Variants in TRIM50 observed in about 807,000 individuals in gnomAD.
TRIM50 encodes E3 ubiquitin-protein ligase TRIM50.
In TRIM50, 34 loss-of-function variants were observed where a neutral mutation model predicts 44.9. The ratio of observed to expected loss-of-function variants is 0.76; its 90% CI spans 0.58 to 1.01. The LOEUF (loss-of-function observed/expected upper bound fraction) is 1.01. Ranked by LOEUF, TRIM50 falls within the 50% of genes least tolerant of loss-of-function variation. The pLI, the probability that TRIM50 is intolerant of heterozygous loss-of-function variation, is 0.00. For missense variants in TRIM50, 633 were observed against 663.7 expected (o/e 0.95, Z 0.51); for synonymous variants, 307 against 291.1 (o/e 1.05, Z -0.56).
intron 2 of TRIM50, 52 bp downstream of exon 2, chr7:73,324,337 G>A (rs782811925): frequency 6.2e-7 from 1 of 1,613,302 alleles, no homozygotes; most frequent in African/African-American, 1.3e-5. Flanking sequence ...AGAGAGCACA[G>A]GATCTGGTCC....
At position 73,315,346 on chromosome 7, in the gene TRIM50, C is replaced by CT. The variant is rs71071927; in HGVS notation, c.874+1218dup. On this transcript the variant is annotated intron_variant, in intron 6 of 6. Transcript: ENST00000333149. ...GCAATTTTTTTCCTTCTTATCTTTC[C>CT]TTTTTTTTTTTTTTCATTCTTTTCT... 7.6e-3 allele frequency: 1,075 copies of CT among 140,708 alleles called. 8 individuals carry two copies. The highest frequency in any genetic ancestry group is 0.017 in the South Asian group (78 of 4,460). 8.7% of individuals were successfully genotyped at this position (140,708 alleles called of 1,614,324 possible). A position where few individuals can be genotyped will look rare whatever the true frequency, so the allele number is the denominator to read the frequency against.
chr7:73,318,671 T>C lies in TRIM50; in HGVS notation c.749+16A>G, dbSNP rs782693949. 1.1e-5 allele frequency: 17 copies of C among 1,613,090 alleles called. No individual in the cohort carries two copies. The South Asian group carries it at 1.9e-4, about 18-fold the overall frequency. ...CAGCCACCAGACCCTGGCTGAGCTCTCTCCAAGGTTATTACCTGGAGGCCA... is the reference window on the plus strand; with the variant it reads ...CAGCCACCAGACCCTGGCTGAGCTCCCTCCAAGGTTATTACCTGGAGGCCA... On this transcript the variant is annotated intron_variant, in intron 5 of 6. Coordinates refer to ENST00000333149, the MANE Select transcript of TRIM50 (RefSeq NM_178125.3).
Position 73,324,743 on chromosome 7 carries a change from C to G in TRIM50, c.45G>C (p.Gln15His). ...TGAAGACCTCCAGGCAGATGGGACACTGAAGCCGGTCCTCCAGCTCTGGCA... is the reference window on the plus strand; with the variant it reads ...TGAAGACCTCCAGGCAGATGGGACAGTGAAGCCGGTCCTCCAGCTCTGGCA... ...VSLPELEDRL[Q>H]CPICLEVFKE... The change falls in exon 2 of 7, where the codon CAG becomes CAC. Residue 15 changes from glutamine to histidine, a missense_variant. Transcript: ENST00000333149. 6.2e-7 allele frequency: 1 copy of G among 1,614,174 alleles called. No homozygotes were observed. The highest frequency in any genetic ancestry group is 1.3e-5 in the African/African-American group (1 of 75,056).
chr7:73,318,611 T>C (rs1554544457), intron 5 of TRIM50, 76 bp downstream of exon 5: 2 of 1,611,584 alleles, frequency 1.2e-6, no homozygotes, highest in Non-Finnish European at 8.5e-7. Context: ...TTAAACCGAA[T>C]GGAGGAACCA....
intron 2 of TRIM50, 97 bp downstream of exon 2, chr7:73,324,292 A>T: frequency 6.3e-7 from 1 of 1,590,812 alleles, no homozygotes; most frequent in Non-Finnish European, 8.6e-7. Context: ...GAAATCGAGG[A>T]TAGCTGGATC....
rs3108460 is a variant in TRIM50 at position 73,320,224 on chromosome 7, T to A, written c.418A>T (p.Ile140Phe). The A allele has an allele frequency of 6.6e-5, 107 of 1,613,852 alleles. No individual in the cohort carries two copies. Among genetic ancestry groups the A allele is most frequent in the African/African-American group, 5.3e-5 (4 of 74,916 alleles). Reference sequence around the variant, plus strand: ...TTCTGCTCCTGCTTCAGCTCAGAGATGAGGGCTGCGAGCTCCTCCTGGAGG... The same window carrying A: ...TTCTGCTCCTGCTTCAGCTCAGAGAAGAGGGCTGCGAGCTCCTCCTGGAGG... Reference protein sequence around the residue: ...SRMKEELAALISELKQEQKKV... With the variant: ...SRMKEELAALFSELKQEQKKV... Residue 140 changes from isoleucine to phenylalanine, a missense_variant, in exon 3 of 7, where the codon ATC becomes TTC. Ile to Phe is a conservative substitution (Grantham distance 21, BLOSUM62 0). Transcript: ENST00000333149.
intron 3 of TRIM50, among the ~76,000 whole-genome samples, chr7:73,319,705 G>A (rs190344249): frequency 5.9e-4 from 90 of 152,276 alleles, no homozygotes; most frequent in African/African-American, 2.0e-3. Context: ...CTCCAGGGCC[G>A]GGGCACTATG....
Position 73,313,550 on chromosome 7 carries a change from A to G in TRIM50, c.875-40T>C. 6.9e-7 allele frequency: 1 copy of G among 1,441,990 alleles called. No individual in the cohort carries two copies. Among genetic ancestry groups the G allele is most frequent in the South Asian group, 1.4e-5 (1 of 70,602 alleles). 89.3% of individuals were successfully genotyped at this position (1,441,990 alleles called of 1,614,324 possible). ...ACAGAGGGTCTGTGAGGCCACGTGG[A>G]GGGCAGCAGACCCGGCCCACAGAAG... On this transcript the variant is annotated intron_variant, in intron 6 of 6. Coordinates refer to ENST00000333149, the MANE Select transcript of TRIM50 (RefSeq NM_178125.3). The surrounding 1 kb of genome is among the most constrained non-coding windows in gnomAD (Gnocchi z 4.9).
chr7:73,317,392 C>T (rs1339785874), intron 5 of TRIM50, among the ~76,000 whole-genome samples: 2 of 136,078 alleles, frequency 1.5e-5, no homozygotes, highest in Non-Finnish European at 3.1e-5. Context: ...GAGTCTTGCT[C>T]TGTCGCCCAG....
At chr7:73,315,836 A>G (rs1396872491) in intron 6 of TRIM50, among the ~76,000 whole-genome samples, 2 of 151,990 alleles carry the variant, frequency 1.3e-5, no homozygotes, top group Non-Finnish European at 2.9e-5. Context: ...TACTTTGAAG[A>G]CCACTTGTCC....
rs1230020901 is a variant in TRIM50 at position 73,313,655 on chromosome 7, G to A, written c.875-145C>T. ...TAGCCCCAGGGTCTAGAAGGGGCCA[G>A]TACAGGGCTGCTCCCTGAATGAATG... On this transcript the variant is annotated intron_variant, in intron 6 of 6. Coordinates refer to ENST00000333149, the MANE Select transcript of TRIM50 (RefSeq NM_178125.3). The surrounding 1 kb of genome is among the most constrained non-coding windows in gnomAD (Gnocchi z 4.9). 8.5e-5 allele frequency: 52 copies of A among 608,538 alleles called. No homozygotes were observed. The African/African-American group carries it at 8.6e-4, about 10-fold the overall frequency. 37.7% of individuals were successfully genotyped at this position (608,538 alleles called of 1,614,324 possible).
chr7:73,316,519 G>A (rs1554544075), intron 6 of TRIM50, 46 bp downstream of exon 6: 5 of 1,609,488 alleles, frequency 3.1e-6, no homozygotes, highest in Non-Finnish European at 4.2e-6. Context: ...ACTGCCACCT[G>A]CCCTGGGCGG....
intron 5 of TRIM50, among the ~76,000 whole-genome samples, chr7:73,317,713 G>A (rs1250540688): frequency 3.3e-5 from 5 of 152,144 alleles, no homozygotes; most frequent in African/African-American, 1.2e-4. Context: ...AAGACTAAAA[G>A]AAATGTGAGA....
intron 5 of TRIM50, 79 bp downstream of exon 5, chr7:73,318,608 G>C: frequency 1.2e-6 from 2 of 1,611,628 alleles, no homozygotes; most frequent in Non-Finnish European, 1.7e-6. Flanking sequence ...TGGTTAAACC[G>C]AATGGAGGAA....
rs149613421 is a variant in TRIM50 at position 73,318,992 on chromosome 7, C to G, written c.556G>C (p.Val186Leu). Residue 186 changes from valine (V) to leucine (L), a missense_variant, in exon 4 of 7, where the codon GTG (valine) becomes CTG (leucine). Transcript: ENST00000333149. The part of the protein sequence containing the change: ...RREFQELHHL[V>L]DEEKARCLEG... ...AGGCAGCGGGCCTTCTCCTCATCCACCAGGTGGTGCAGCTCCTGGAACTCG... is the reference window on the plus strand; with the variant it reads ...AGGCAGCGGGCCTTCTCCTCATCCAGCAGGTGGTGCAGCTCCTGGAACTCG... The G allele has an allele frequency of 6.2e-7, 1 of 1,614,046 alleles. No individual in the cohort carries two copies. The highest frequency in any genetic ancestry group is 8.5e-7 in the Non-Finnish European group (1 of 1,179,874).
intron 1 of TRIM50, among the ~76,000 whole-genome samples, chr7:73,325,757 A>T (rs1554545943): frequency 6.6e-6 from 1 of 152,128 alleles, no homozygotes; most frequent in East Asian, 1.9e-4. Flanking sequence ...GCCACTGTGG[A>T]GGAGGGGCAG....
At chr7:73,326,701 T>C (rs1583788515) in intron 1 of TRIM50, among the ~76,000 whole-genome samples, 1 of 152,192 alleles carries the variant, frequency 6.6e-6, no homozygotes, top group Non-Finnish European at 1.5e-5. Flanking sequence ...TTGTGTCTGG[T>C]TACTTTCACT....
intron 6 of TRIM50, among the ~76,000 whole-genome samples, chr7:73,315,911 G>C (rs1300548517): frequency 7.4e-6 from 1 of 135,282 alleles, no homozygotes; most frequent in Non-Finnish European, 1.6e-5. Flanking sequence ...ACGGAGTTTT[G>C]CTCTTGTTGC....
rs782610182 is a variant in TRIM50 at position 73,316,615 on chromosome 7, G to A, written c.824C>T (p.Ala275Val). ...PISFKPGLHQ[A>V]DIKLTVWKRL... The stretch of plus-strand genomic sequence containing the variant: ...TTTCCACACGGTCAGCTTGATGTCA[G>A]CCTGGTGGAGGCCTGGCTTGAAGGA... The change falls in exon 6 of 7, where the codon GCT becomes GTT. Residue 275 changes from alanine (A) to valine (V), a missense_variant. Physicochemically the swap from Ala to Val is moderately conservative, Grantham distance 64. Transcript: ENST00000333149. 1 of 1,614,244 alleles carries A rather than the reference G, an allele frequency of 6.2e-7. No homozygotes were observed. The highest frequency in any genetic ancestry group is 8.5e-7 in the Non-Finnish European group (1 of 1,180,036).
Sources: gnomAD v4.1 joint callset for allele counts (sites outside exome capture counted in the v4.1 genomes callset) on GRCh38, gnomAD v4.1.1 for gene constraint, Gnocchi (gnomAD v3.1) non-coding constraint, MANE v1.5 for transcripts, NCBI Gene and HGNC (gene_info 2026-07-23, HGNC 2026-07-21) for gene names.